Variants in ULK4 observed in about 807,000 individuals in gnomAD.
ULK4 encodes inactive serine/threonine-protein kinase ULK4.
Under a neutral mutation model 160.6 loss-of-function variants are expected in ULK4, and 133 were observed. The observed-to-expected ratio is 0.83, with a 90% CI of 0.72 to 0.96. The LOEUF (loss-of-function observed/expected upper bound fraction) is 0.96. ULK4 is among the 40% of genes least tolerant of loss of function. ULK4 has a pLI of 0.00. For missense variants in ULK4, 1,580 were observed against 1,499.5 expected, an observed-to-expected ratio of 1.05 and a Z score of -0.89; for synonymous variants, 534 against 539.8, an observed-to-expected ratio of 0.99 and a Z score of 0.15.
chr3:41,961,766 C>T (rs1026146777), intron 1 of ULK4, among the ~76,000 whole-genome samples: 2 of 152,210 alleles, frequency 1.3e-5, no homozygotes, highest in Admixed American at 6.5e-5. Context: ...ACTCTCTCTC[C>T]CCGCTGCACC....
intron 18 of ULK4, among the ~76,000 whole-genome samples, chr3:41,826,015 A>C (rs2041334816): frequency 6.6e-6 from 1 of 152,226 alleles, no homozygotes; most frequent in Admixed American, 6.5e-5. Flanking sequence ...CAACATTCTT[A>C]AAGAAAAGAA....
At chr3:41,339,799 G>T (rs1458762523) in intron 35 of ULK4, among the ~76,000 whole-genome samples, 1 of 152,172 alleles carries the variant, frequency 6.6e-6, no homozygotes, top group Non-Finnish European at 1.5e-5. Flanking sequence ...GCTTACCAAT[G>T]TATTTAATCA....
At chr3:41,443,950 A>G (rs1225717483) in intron 34 of ULK4, among the ~76,000 whole-genome samples, 1 of 152,060 alleles carries the variant, frequency 6.6e-6, no homozygotes, top group Non-Finnish European at 1.5e-5. Context: ...TTAATTTCCA[A>G]TTGAGCAACA....
At chr3:41,386,079 T>C (rs1331560358) in intron 35 of ULK4, among the ~76,000 whole-genome samples, 2 of 152,208 alleles carry the variant, frequency 1.3e-5, no homozygotes, top group Non-Finnish European at 2.9e-5. Flanking sequence ...AGGGCTTGCC[T>C]GTCTTGTTCT....
chr3:41,427,590 TC>T (rs2082806280), intron 34 of ULK4, among the ~76,000 whole-genome samples: 1 of 152,198 alleles, frequency 6.6e-6, no homozygotes, highest in African/African-American at 2.4e-5. Flanking sequence ...GTTGGCTTCA[TC>T]CCTGGGATGC....
chr3:41,706,849 A>ATGTGTGTGTGTGTGTGTGTGTGTGTGTG (rs749756575), intron 25 of ULK4, among the ~76,000 whole-genome samples: 1 of 102,368 alleles, frequency 9.8e-6, no homozygotes, highest in African/African-American at 5.1e-5. Context: ...AAAAAAAAAT[A>ATGTGTGTGTGTGTGTGTGTGTGTGTGTG]TGTGTGTGTG....
At chr3:41,935,017 A>AT (rs10635589) in intron 4 of ULK4, among the ~76,000 whole-genome samples, 3,587 of 112,882 alleles carry the variant, frequency 0.032, 177 homozygotes, top group Non-Finnish European at 0.034. Flanking sequence ...TTATTTATTA[A>AT]TTTTTTTTTT....
chr3:41,792,217 T>C (rs1449298319), intron 20 of ULK4, among the ~76,000 whole-genome samples: 7 of 152,272 alleles, frequency 4.6e-5, no homozygotes, highest in East Asian at 1.9e-4. Flanking sequence ...TCTATGTCCA[T>C]GTAACAACAG....
intron 2 of ULK4, among the ~76,000 whole-genome samples, chr3:41,943,301 A>C (rs1167773093): frequency 6.6e-6 from 1 of 152,140 alleles, no homozygotes; most frequent in Non-Finnish European, 1.5e-5. Flanking sequence ...TAAAAAATTC[A>C]AAATTAGATT....
intron 35 of ULK4, among the ~76,000 whole-genome samples, chr3:41,305,927 T>C (rs898658188): frequency 2.8e-5 from 4 of 141,176 alleles, no homozygotes; most frequent in African/African-American, 5.4e-5. Context: ...GTCTGGGAGG[T>C]GAGGAGCATC....
At chr3:41,810,851 T>C (rs1445623887) in intron 19 of ULK4, among the ~76,000 whole-genome samples, 1 of 152,156 alleles carries the variant, frequency 6.6e-6, no homozygotes, top group Non-Finnish European at 1.5e-5. Context: ...AAGTTAGTAA[T>C]GTACCTTACT....
chr3:41,325,676 G>A (rs2080326786), intron 35 of ULK4, among the ~76,000 whole-genome samples: 2 of 152,100 alleles, frequency 1.3e-5, no homozygotes, highest in Admixed American at 1.3e-4. Context: ...AGCACTTTGG[G>A]AGGCTGAGGT....
intron 35 of ULK4, among the ~76,000 whole-genome samples, chr3:41,309,984 G>A (rs1217431786): frequency 1.3e-5 from 2 of 152,116 alleles, no homozygotes; most frequent in Non-Finnish European, 2.9e-5. Flanking sequence ...GCTGGAAAGG[G>A]GCAAACAGGA....
intron 35 of ULK4, among the ~76,000 whole-genome samples, chr3:41,389,459 A>G (rs1012902851): frequency 6.6e-6 from 1 of 152,170 alleles, no homozygotes; most frequent in African/African-American, 2.4e-5. Flanking sequence ...CAGTTTTCAA[A>G]GGGAATGCTT....
At chr3:41,936,663 C>T (rs1006953509) in intron 3 of ULK4, among the ~76,000 whole-genome samples, 1 of 152,040 alleles carries the variant, frequency 6.6e-6, no homozygotes, top group Non-Finnish European at 1.5e-5. Flanking sequence ...AAGCCAGGCA[C>T]AGAAAGACAA....
chr3:41,626,529 CTTTTT>C (rs767066822), intron 30 of ULK4, among the ~76,000 whole-genome samples: 1 of 135,026 alleles, frequency 7.4e-6, no homozygotes. Flanking sequence ...AAGTACATTG[CTTTTT>C]TTTTTTTTTT....
chr3:41,718,790 A>G (rs891681787), intron 22 of ULK4, among the ~76,000 whole-genome samples: 8 of 152,214 alleles, frequency 5.3e-5, no homozygotes, highest in African/African-American at 1.9e-4. Flanking sequence ...ATATATACAT[A>G]AAATGTATTG....
intron 34 of ULK4, among the ~76,000 whole-genome samples, chr3:41,429,584 T>C (rs2082856499): frequency 6.6e-6 from 1 of 152,192 alleles, no homozygotes; most frequent in African/African-American, 2.4e-5. Flanking sequence ...ATCATGTCCT[T>C]TGCAGGAACA....
intron 31 of ULK4, among the ~76,000 whole-genome samples, chr3:41,593,886 A>G (rs995004909): frequency 6.6e-6 from 1 of 151,798 alleles, no homozygotes; most frequent in African/African-American, 2.4e-5. Flanking sequence ...TAAAAAACTT[A>G]GCCAGGTATC....
Sources: allele counts gnomAD v4.1 joint callset (sites outside exome capture counted in the v4.1 genomes callset), GRCh38; gene constraint gnomAD v4.1.1; transcripts MANE v1.5; gene names NCBI Gene and HGNC (gene_info 2026-07-23, HGNC 2026-07-21).